Variants in SNX15 observed in about 807,000 individuals in gnomAD.
SNX15 encodes the protein sorting nexin-15.
SNX15 carries 29 observed loss-of-function variants against 35.2 expected under a neutral mutation model. The ratio of observed to expected loss-of-function variants is 0.82; its 90% CI spans 0.61 to 1.12. SNX15 has a LOEUF of 1.12. SNX15 is among the 50% of genes most tolerant of loss of function. The probability of loss-of-function intolerance (pLI) is 0.00; values close to 1 mark genes in which losing one functional copy is unlikely to be tolerated. For missense variants in SNX15, 400 were observed against 451.5 expected (o/e 0.89, Z 1.03); for synonymous variants, 189 against 188.2 (o/e 1.00, Z -0.03).
At chr11:65,032,235 T>C (rs1946447298) in intron 2 of SNX15, 32 bp downstream of exon 2, 4 of 1,609,698 alleles carry the variant, frequency 2.5e-6, no homozygotes, top group Non-Finnish European at 3.4e-6. Context: ...GGGACTGTTC[T>C]GCAGTTCCAG....
Position 65,038,810 on chromosome 11 carries a change from C to T in SNX15, c.903C>T (p.Val301=), listed in dbSNP as rs1340239265. The change falls in exon 7 of 8, where the codon GTC becomes GTT. Residue 301 remains valine, a synonymous_variant. Transcript: ENST00000377244. The part of the protein sequence containing the change: ...ALQGYRDGVH[V]LLQGVPSDPL... ...AGGGCTATCGAGACGGCGTGCACGTCTTGCTTCAGGGAGTCCCCAGTGAGT... is the reference window on the plus strand; with the variant it reads ...AGGGCTATCGAGACGGCGTGCACGTTTTGCTTCAGGGAGTCCCCAGTGAGT... 1.9e-6 allele frequency: 3 copies of T among 1,590,490 alleles called. No individual in the cohort carries two copies. In the African/African-American group the frequency reaches 4.0e-5, roughly 21 times the overall value.
At chr11:65,035,780 C>T (rs562131025) in intron 6 of SNX15, 117 bp downstream of exon 6, 2 of 1,109,280 alleles carry the variant, frequency 1.8e-6, no homozygotes, top group Admixed American at 2.7e-5. Context: ...GACGTCTCCT[C>T]AGCAGTGCTG....
At chr11:65,038,304 C>G in intron 6 of SNX15, 10 of 1,155,568 alleles carry the variant, frequency 8.7e-6, no homozygotes, top group South Asian at 4.3e-5. Flanking sequence ...GAAATAGGAC[C>G]AGTGACCCAG....
intron 5 of SNX15, 111 bp downstream of exon 5, chr11:65,035,317 A>G (rs1267542241): frequency 3.1e-6 from 4 of 1,281,746 alleles, no homozygotes; most frequent in East Asian, 4.8e-5. Context: ...TCCCAGGTCT[A>G]TCACTTAACT....
rs139901621 is a variant in SNX15 at position 65,029,304 on chromosome 11, G to A, written c.99+1668G>A. Among the ~76,000 whole-genome samples, 83 of 150,836 alleles carry A rather than the reference G, an allele frequency of 5.5e-4. 1 individual carries two copies. In the East Asian group the frequency reaches 7.7e-3, roughly 14 times the overall value. On this transcript the variant is annotated intron_variant, in intron 1 of 7. Coordinates refer to ENST00000377244, the MANE Select transcript of SNX15 (RefSeq NM_013306.5). ...CCCAGGTAGCTGGGACTACAGGCAC[G>A]CGTCACCATGCCCAGCTAATATTCG...
chr11:65,035,775 C>G, intron 6 of SNX15, 112 bp downstream of exon 6: 1 of 1,190,070 alleles, frequency 8.4e-7, no homozygotes, highest in Non-Finnish European at 1.2e-6. Flanking sequence ...GGAGAGACGT[C>G]TCCTCAGCAG....
chr11:65,032,800 G>A (rs1343777115), intron 3 of SNX15, among the ~76,000 whole-genome samples: 1 of 152,112 alleles, frequency 6.6e-6, no homozygotes, highest in Admixed American at 6.6e-5. Flanking sequence ...TGTAATCCTA[G>A]CACTTTGGGA....
intron 5 of SNX15, 96 bp from the exon 6 acceptor site, chr11:65,035,424 C>T (rs1432946286): frequency 2.2e-6 from 3 of 1,389,678 alleles, no homozygotes; most frequent in Non-Finnish European, 2.9e-6. Context: ...TTGTCTATGC[C>T]CATGGTTGCT....
intron 1 of SNX15, among the ~76,000 whole-genome samples, chr11:65,029,891 A>T (rs967534288): frequency 6.7e-6 from 1 of 148,944 alleles, no homozygotes; most frequent in Non-Finnish European, 1.5e-5. Context: ...TTTTTATTTT[A>T]TTTTATTTTA....
At chr11:65,033,927 C>T (rs1946470211) in intron 3 of SNX15, among the ~76,000 whole-genome samples, 1 of 151,898 alleles carries the variant, frequency 6.6e-6, no homozygotes, top group Non-Finnish European at 1.5e-5. Flanking sequence ...AGGCTGGTCT[C>T]GAACTCCTAA....
chr11:65,027,566 T>G lies in SNX15; in HGVS notation c.29T>G (p.Leu10Arg). The G allele has an allele frequency of 6.2e-7, 1 of 1,614,048 alleles. No individual in the cohort carries two copies. The highest frequency in any genetic ancestry group is 2.2e-5 in the East Asian group (1 of 44,884). The part of the protein sequence containing the change: MSRQAKDDF[L>R]RHYTVSDPRT... ...TCCCGCCAGGCGAAGGATGACTTCCTGCGGCACTACACAGTGTCGGACCCC... is the reference window on the plus strand; with the variant it reads ...TCCCGCCAGGCGAAGGATGACTTCCGGCGGCACTACACAGTGTCGGACCCC... The change falls in exon 1 of 8, where the codon CTG (leucine) becomes CGG (arginine). Residue 10 changes from leucine (L) to arginine (R), a missense_variant. Coordinates refer to ENST00000377244, the MANE Select transcript of SNX15 (RefSeq NM_013306.5).
intron 6 of SNX15, 49 bp downstream of exon 6, chr11:65,035,712 G>C: frequency 7.7e-6 from 12 of 1,555,854 alleles, no homozygotes; most frequent in Non-Finnish European, 1.0e-5. Context: ...ACGTCCTTGG[G>C]ACAGGGAGGA....
rs574820860 is a variant in SNX15, at chr11:65,038,687, G to A, written c.780G>A (p.Gly260=). ...EPGGQEEEED[G]EGGPTPAYLS... is the part of the protein sequence containing the mutation. The stretch of plus-strand genomic sequence containing the variant: ...GAGGGCAGGAGGAGGAAGAGGATGG[G>A]GAAGGAGGGCCCACCCCTGCCTACC... The change falls in exon 7 of 8, where the codon GGG becomes GGA. Residue 260 remains glycine (G), a synonymous_variant. Transcript: ENST00000377244. 2.0e-4 allele frequency: 327 copies of A among 1,610,922 alleles called. 3 individuals carry two copies. The highest frequency in any genetic ancestry group is 1.2e-3 in the South Asian group (113 of 90,566).
At chr11:65,038,423 C>A in intron 6 of SNX15, 149 bp from the exon 7 acceptor site, 4 of 1,195,156 alleles carry the variant, frequency 3.3e-6, no homozygotes, top group African/African-American at 3.1e-5. Flanking sequence ...AGTTTTTGAT[C>A]CACAGACGAC....
intron 3 of SNX15, among the ~76,000 whole-genome samples, chr11:65,034,005 G>T (rs1363434976): frequency 6.6e-6 from 1 of 152,118 alleles, no homozygotes; most frequent in African/African-American, 2.4e-5. Flanking sequence ...ACCGCACCTG[G>T]CCGAGATGTT....
intron 6 of SNX15, chr11:65,037,609 T>C (rs1201089444): frequency 6.6e-6 from 1 of 152,246 alleles, no homozygotes; most frequent in Non-Finnish European, 1.5e-5. Flanking sequence ...TGCAGTGTGC[T>C]CAGACACTGC....
At position 65,038,597 on chromosome 11, in the gene SNX15, T is replaced by C; in HGVS notation, c.690T>C (p.His230=). ...KEEGAAPSPT[H]VAELATMEVE... ...AAGGCGCAGCCCCCAGCCCCACCCATGTGGCTGAGCTGGCAACGATGGAGG... is the reference window on the plus strand; with the variant it reads ...AAGGCGCAGCCCCCAGCCCCACCCACGTGGCTGAGCTGGCAACGATGGAGG... Residue 230 remains histidine (H), a synonymous_variant, in exon 7 of 8, where the codon CAT becomes CAC. Transcript: ENST00000377244. 2 of 1,580,442 alleles carry C rather than the reference T, an allele frequency of 1.3e-6. No individual in the cohort carries two copies. Among genetic ancestry groups the C allele is most frequent in the Non-Finnish European group, 1.7e-6 (2 of 1,162,458 alleles).
intron 1 of SNX15, among the ~76,000 whole-genome samples, chr11:65,030,328 C>T (rs1016954913): frequency 4.0e-5 from 6 of 151,402 alleles, no homozygotes; most frequent in Non-Finnish European, 5.9e-5. Context: ...GCACTCCAGC[C>T]TGGTGACAGA....
intron 6 of SNX15, chr11:65,037,034 G>C (rs989416089): frequency 7.9e-5 from 12 of 152,240 alleles, no homozygotes; most frequent in African/African-American, 2.9e-4. Flanking sequence ...CAGGGTTGGG[G>C]AGTGGGAAGA....
Sources: gnomAD v4.1 joint callset for allele counts (sites outside exome capture counted in the v4.1 genomes callset) on GRCh38, gnomAD v4.1.1 for gene constraint, MANE v1.5 for transcripts, NCBI Gene and HGNC (gene_info 2026-07-23, HGNC 2026-07-21) for gene names.